Variants in KCND3 observed in about 807,000 individuals in gnomAD.
KCND3 encodes the protein A-type voltage-gated potassium channel KCND3.
A neutral mutation model predicts 51.1 loss-of-function variants in KCND3; 9 were observed. The ratio of observed to expected loss-of-function variants is 0.18; its 90% CI spans 0.11 to 0.31. The LOEUF is 0.31. Ranked by LOEUF, KCND3 falls within the 10% of genes least tolerant of loss-of-function variation. KCND3 has a pLI of 1.00. For missense variants in KCND3, 526 were observed against 903.8 expected (o/e 0.58, Z 5.36); for synonymous variants, 349 against 368.0 (o/e 0.95, Z 0.59).
chr1:111,844,080 C>T (rs548329410), intron 2 of KCND3, among the ~76,000 whole-genome samples: 46 of 152,284 alleles, frequency 3.0e-4, no homozygotes, highest in East Asian at 5.8e-4. Context: ...CAGCAGGAAA[C>T]GCAGGTTCAG....
intron 2 of KCND3, among the ~76,000 whole-genome samples, chr1:111,814,858 C>G (rs1438312979): frequency 6.6e-6 from 1 of 152,246 alleles, no homozygotes; most frequent in Non-Finnish European, 1.5e-5. Context: ...ACGTGCTTAT[C>G]TATTTTATCC....
In KCND3 at chr1:111,868,722, G is replaced by A. The variant is rs531860129; in HGVS notation, c.1107-81616C>T. On this transcript the variant is annotated intron_variant, in intron 2 of 7. Transcript: ENST00000302127. ...TTTCTATTTTATAATTGAAGAGACCGAGGCCTGGGAATTTAACTGTTTCTT... is the reference window on the plus strand; with the variant it reads ...TTTCTATTTTATAATTGAAGAGACCAAGGCCTGGGAATTTAACTGTTTCTT... 5.3e-5 allele frequency among the ~76,000 whole-genome samples: 8 copies of A among 152,052 alleles called. No individual in the cohort carries two copies. The South Asian group carries it at 1.0e-3, about 20-fold the overall frequency.
At chr1:111,867,401 T>C (rs2101705746) in intron 2 of KCND3, among the ~76,000 whole-genome samples, 1 of 152,338 alleles carries the variant, frequency 6.6e-6, no homozygotes, top group Non-Finnish European at 1.5e-5. Flanking sequence ...TCTCTTGGAT[T>C]GATTTCTATA....
At chr1:111,913,612 T>C (rs1671063899) in intron 2 of KCND3, among the ~76,000 whole-genome samples, 1 of 152,220 alleles carries the variant, frequency 6.6e-6, no homozygotes. Context: ...TAACTATGTC[T>C]GGCATCTAAT....
chr1:111,915,997 G>T (rs909989186), intron 2 of KCND3, among the ~76,000 whole-genome samples: 2 of 152,074 alleles, frequency 1.3e-5, no homozygotes, highest in African/African-American at 2.4e-5. Flanking sequence ...AAGCATTCTT[G>T]TCTCTGTAAT....
chr1:111,844,970 T>C (rs1171926740), intron 2 of KCND3, among the ~76,000 whole-genome samples: 1 of 152,204 alleles, frequency 6.6e-6, no homozygotes, highest in African/African-American at 2.4e-5. Flanking sequence ...CACACCTCTC[T>C]TGACCCTGCA....
chr1:111,970,699 AT>A (rs1362465744), intron 2 of KCND3, among the ~76,000 whole-genome samples: 1 of 152,226 alleles, frequency 6.6e-6, no homozygotes, highest in African/African-American at 2.4e-5. Context: ...AAACCCAGTA[AT>A]GCTACTACCA....
chr1:111,924,615 A>C (rs1671620073), intron 2 of KCND3, among the ~76,000 whole-genome samples: 1 of 152,176 alleles, frequency 6.6e-6, no homozygotes, highest in South Asian at 2.1e-4. Context: ...CCCTACCAGG[A>C]CTTTGTCAGC....
At chr1:111,886,597 A>G (rs1242320835) in intron 2 of KCND3, among the ~76,000 whole-genome samples, 1 of 152,250 alleles carries the variant, frequency 6.6e-6, no homozygotes, top group East Asian at 1.9e-4. Flanking sequence ...GTTTAGAACC[A>G]TGCAAAGGCT....
At chr1:111,873,142 T>G (rs1668900601) in intron 2 of KCND3, among the ~76,000 whole-genome samples, 1 of 152,210 alleles carries the variant, frequency 6.6e-6, no homozygotes, top group African/African-American at 2.4e-5. Flanking sequence ...AGTCCTGGCC[T>G]GGGCCACCTA....
At chr1:111,937,299 A>G (rs1483315811) in intron 2 of KCND3, among the ~76,000 whole-genome samples, 2 of 152,146 alleles carry the variant, frequency 1.3e-5, no homozygotes, top group Non-Finnish European at 2.9e-5. Flanking sequence ...GGAAACAGAC[A>G]CAGTGACCTC....
rs114511099 is a variant in KCND3, at chr1:111,908,029, A to C, written c.1106+73592T>G. On this transcript the variant is annotated intron_variant, in intron 2 of 7. Coordinates refer to ENST00000302127, the MANE Select transcript of KCND3 (RefSeq NM_001378969.1). The stretch of plus-strand genomic sequence containing the variant: ...TCCTAGGGACTAAGGACTATTCCCC[A>C]CTGCAGAGGAGCCTGCAGCTCCCAA... Among the ~76,000 whole-genome samples the C allele has an allele frequency of 5.7e-3, 868 of 152,272 alleles. 10 individuals are homozygous for C. The highest frequency in any genetic ancestry group is 0.019 in the African/African-American group (804 of 41,548).
chr1:111,957,807 T>C (rs996253952), intron 2 of KCND3, among the ~76,000 whole-genome samples: 2 of 152,212 alleles, frequency 1.3e-5, no homozygotes, highest in African/African-American at 4.8e-5. Context: ...CTATTGTCTA[T>C]GGCTGCTTTT....
intron 2 of KCND3, among the ~76,000 whole-genome samples, chr1:111,854,873 G>T (rs530757249): frequency 5.3e-5 from 8 of 152,190 alleles, no homozygotes; most frequent in Admixed American, 5.2e-4. Context: ...TCTTTGAAAA[G>T]GGGTGAAACA....
At chr1:111,878,924 C>T (rs187229281) in intron 2 of KCND3, among the ~76,000 whole-genome samples, 1 of 152,306 alleles carries the variant, frequency 6.6e-6, no homozygotes, top group East Asian at 1.9e-4. Flanking sequence ...ATGGCCCTCC[C>T]TAATGTGGGC....
rs774064556 is a variant in KCND3, at chr1:111,777,260, A to C, written c.1532T>G (p.Ile511Ser). The part of the protein sequence containing the change: ...RTSTIKNHEF[I>S]DEQMFEQNCM... ...GTTCTGCTCAAACATCTGCTCATCAATAAACTCGTGGTTCTGCGGGAGGCA... is the reference window on the plus strand; with the variant it reads ...GTTCTGCTCAAACATCTGCTCATCACTAAACTCGTGGTTCTGCGGGAGGCA... Residue 511 changes from isoleucine to serine, a missense_variant, in exon 7 of 8, where the codon ATT becomes AGT. By Grantham distance (142) the Ile-to-Ser change is moderately radical. This residue lies in a region of KCND3 where 266 missense variants were observed against 305.5 expected (regional missense o/e 0.87). Transcript: ENST00000302127. The C allele has an allele frequency of 1.5e-5, 25 of 1,614,232 alleles. No individual in the cohort carries two copies. Among genetic ancestry groups the C allele is most frequent in the Non-Finnish European group, 1.9e-5 (23 of 1,180,038 alleles).
At chr1:111,987,830 T>C (rs1308777259) in intron 1 of KCND3, among the ~76,000 whole-genome samples, 1 of 151,744 alleles carries the variant, frequency 6.6e-6, no homozygotes, top group East Asian at 1.9e-4. Flanking sequence ...GGCAGAAGAG[T>C]TTGACAGTGG....
At chr1:111,937,759 G>A (rs1319509138) in intron 2 of KCND3, among the ~76,000 whole-genome samples, 1 of 152,170 alleles carries the variant, frequency 6.6e-6, no homozygotes, top group Non-Finnish European at 1.5e-5. Context: ...TGGAATTCAT[G>A]GCCTAGAAAT....
At chr1:111,793,469 G>T (rs558696971) in intron 2 of KCND3, among the ~76,000 whole-genome samples, 1 of 152,098 alleles carries the variant, frequency 6.6e-6, no homozygotes, top group Non-Finnish European at 1.5e-5. Context: ...GAGCCACCGC[G>T]CCCGGCCAGA....
Sources: allele counts gnomAD v4.1 joint callset (sites outside exome capture counted in the v4.1 genomes callset), GRCh38; gene constraint gnomAD v4.1.1; regional missense constraint gnomAD v4.1.1; transcripts MANE v1.5; gene names NCBI Gene and HGNC (gene_info 2026-07-23, HGNC 2026-07-21).